The following DCC variants were observed in gnomAD, a reference collection of about 807,000 sequenced individuals.
DCC encodes DCC netrin 1 receptor.
In DCC, 58 loss-of-function variants were observed where a neutral mutation model predicts 172.5. That is an observed-to-expected ratio of 0.34 (90% CI 0.27 to 0.42). The LOEUF is 0.42. Among genes scored for constraint, DCC ranks in the 10% least tolerant of loss-of-function variants. The probability of loss-of-function intolerance (pLI) is 1.00; values close to 1 mark genes in which losing one functional copy is unlikely to be tolerated. For synonymous variants in DCC, 709 were observed against 644.5 expected (o/e 1.10, Z -1.52); for missense variants, 1,740 against 1,791.0 (o/e 0.97, Z 0.51).
In DCC at chr18:53,531,433, G is replaced by A. The variant is rs1018629858; in HGVS notation, c.*780G>A. On this transcript the variant is annotated 3_prime_UTR_variant, in exon 29 of 29. Transcript: ENST00000442544. ...CTTCTCAGACACATGGTAATTATAT[G>A]CTTAAGCTTGTAATAGGACAGTTTT... is the stretch of plus-strand genomic sequence containing the variant. The A allele has an allele frequency of 3.9e-5, 6 of 153,566 alleles. No homozygotes were observed. The highest frequency in any genetic ancestry group is 1.4e-4 in the African/African-American group (6 of 41,450). The allele number at this position is 153,566 out of a possible 1,614,324, so 9.5% of individuals were successfully genotyped here. A position where few individuals can be genotyped will look rare whatever the true frequency, so the allele number is the denominator to read the frequency against.
intron 5 of DCC, among the ~76,000 whole-genome samples, chr18:53,006,380 A>C (rs2041645770): frequency 1.3e-5 from 2 of 152,226 alleles, no homozygotes; most frequent in Admixed American, 1.3e-4. Context: ...GGTCAATGAT[A>C]AGTATAAGAC....
intron 1 of DCC, among the ~76,000 whole-genome samples, chr18:52,406,896 A>G (rs1315294263): frequency 6.6e-6 from 1 of 151,954 alleles, no homozygotes; most frequent in Non-Finnish European, 1.5e-5. Context: ...CCCATGTGTG[A>G]GTCTGTATGT....
intron 2 of DCC, among the ~76,000 whole-genome samples, chr18:52,891,887 C>G (rs189190523): frequency 6.6e-6 from 1 of 152,204 alleles, no homozygotes; most frequent in East Asian, 1.9e-4. Flanking sequence ...CTTGTATTCA[C>G]CACCACCACC....
intron 2 of DCC, among the ~76,000 whole-genome samples, chr18:52,853,839 C>T (rs1273447398): frequency 6.6e-6 from 1 of 152,190 alleles, no homozygotes; most frequent in African/African-American, 2.4e-5. Context: ...ATGTCGCAGA[C>T]AGATGAAGCC....
intron 2 of DCC, among the ~76,000 whole-genome samples, chr18:52,776,667 G>A (rs189785177): frequency 6.6e-6 from 1 of 152,104 alleles, no homozygotes; most frequent in Admixed American, 6.6e-5. Context: ...TCTACTATAC[G>A]ATTTAAGAAA....
chr18:52,964,264 A>G (rs2040892709), intron 5 of DCC, among the ~76,000 whole-genome samples: 1 of 152,194 alleles, frequency 6.6e-6, no homozygotes, highest in African/African-American at 2.4e-5. Flanking sequence ...CAAAAAGGGA[A>G]ATTCTGAAAT....
intron 1 of DCC, among the ~76,000 whole-genome samples, chr18:52,443,501 A>G (rs1176557707): frequency 6.6e-6 from 1 of 152,196 alleles, no homozygotes; most frequent in Non-Finnish European, 1.5e-5. Context: ...TCTGCTCGAT[A>G]AAGACTCTCC....
At chr18:52,428,709 A>G (rs1987523615) in intron 1 of DCC, among the ~76,000 whole-genome samples, 1 of 152,084 alleles carries the variant, frequency 6.6e-6, no homozygotes, top group Non-Finnish European at 1.5e-5. Flanking sequence ...AGCCATGGAA[A>G]TTTATTATAA....
At chr18:53,023,694 C>T (rs1224336381) in intron 5 of DCC, among the ~76,000 whole-genome samples, 1 of 152,114 alleles carries the variant, frequency 6.6e-6, no homozygotes, top group South Asian at 2.1e-4. Flanking sequence ...CTTTATGATA[C>T]TGTGATCTTT....
intron 1 of DCC, among the ~76,000 whole-genome samples, chr18:52,567,512 G>T (rs2033186916): frequency 6.6e-6 from 1 of 152,070 alleles, no homozygotes; most frequent in Non-Finnish European, 1.5e-5. Context: ...TGTGTCACAG[G>T]TTGCTCTTAT....
intron 1 of DCC, among the ~76,000 whole-genome samples, chr18:52,408,239 A>AT (rs1986721188): frequency 6.6e-6 from 1 of 152,026 alleles, no homozygotes; most frequent in Non-Finnish European, 1.5e-5. Flanking sequence ...CAAAATCCAG[A>AT]TTTTTTTAAG....
intron 1 of DCC, among the ~76,000 whole-genome samples, chr18:52,537,841 C>A (rs1216077896): frequency 6.6e-6 from 1 of 152,092 alleles, no homozygotes; most frequent in East Asian, 1.9e-4. Context: ...TTTATATCTC[C>A]CCCCATACCT....
chr18:52,948,661 G>A (rs2040587964), intron 5 of DCC, among the ~76,000 whole-genome samples: 1 of 152,102 alleles, frequency 6.6e-6, no homozygotes, highest in South Asian at 2.1e-4. Context: ...ATCCCTATGG[G>A]GCACCCCTGC....
rs113735955 is a variant in DCC at position 53,066,183 on chromosome 18, C to T, written c.1261+17C>T. ...CTAAGCCTGGTAAGACAATGGGAAC[C>T]TTGCTTTGGTACCTGGAATGAAAAT... On this transcript the variant is annotated intron_variant, in intron 7 of 28. Coordinates refer to ENST00000442544, the MANE Select transcript of DCC (RefSeq NM_005215.4). The T allele has an allele frequency of 5.2e-3, 8,337 of 1,610,846 alleles. 346 individuals are homozygous for T. In the African/African-American group the frequency reaches 0.092, roughly 18 times the overall value.
chr18:52,814,331 A>C (rs1484926888), intron 2 of DCC, among the ~76,000 whole-genome samples: 1 of 152,224 alleles, frequency 6.6e-6, no homozygotes, highest in Non-Finnish European at 1.5e-5. Context: ...TGACTCCTGG[A>C]GACCTTGTGA....
chr18:52,515,415 G>A (rs1471772019), intron 1 of DCC, among the ~76,000 whole-genome samples: 2 of 151,368 alleles, frequency 1.3e-5, no homozygotes, highest in Non-Finnish European at 2.9e-5. Flanking sequence ...AGACCATCCT[G>A]GCTAACACGG....
At chr18:53,042,411 A>T (rs187656024) in intron 5 of DCC, among the ~76,000 whole-genome samples, 1 of 152,012 alleles carries the variant, frequency 6.6e-6, no homozygotes, top group East Asian at 1.9e-4. Context: ...GTTTGCCAGT[A>T]TTTTATTGAG....
At chr18:52,987,728 T>C (rs2041318270) in intron 5 of DCC, among the ~76,000 whole-genome samples, 3 of 152,194 alleles carry the variant, frequency 2.0e-5, no homozygotes, top group African/African-American at 4.8e-5. Context: ...ACCACAAGCA[T>C]GGAAACTTAG....
At chr18:52,460,924 A>G (rs1310666144) in intron 1 of DCC, among the ~76,000 whole-genome samples, 3 of 152,196 alleles carry the variant, frequency 2.0e-5, no homozygotes, top group Non-Finnish European at 4.4e-5. Flanking sequence ...GATTTTATAA[A>G]CACCGTATAC....
Sources: gnomAD v4.1 joint callset for allele counts (sites outside exome capture counted in the v4.1 genomes callset) on GRCh38, gnomAD v4.1.1 for gene constraint, MANE v1.5 for transcripts, NCBI Gene and HGNC (gene_info 2026-07-23, HGNC 2026-07-21) for gene names.